The following SNX25 variants were observed in gnomAD, a reference collection of about 807,000 sequenced individuals.
SNX25 encodes sorting nexin 25.
Under a neutral mutation model 113.7 loss-of-function variants are expected in SNX25, and 62 were observed. The ratio of observed to expected loss-of-function variants is 0.55; its 90% CI spans 0.44 to 0.67. The LOEUF (loss-of-function observed/expected upper bound fraction) is 0.67, where lower values mean the gene tolerates loss of function less well. Among genes scored for constraint, SNX25 ranks in the 30% least tolerant of loss-of-function variants. SNX25 has a pLI of 0.00. For missense variants in SNX25, 1,014 were observed against 1,161.0 expected (o/e 0.87, Z 1.84); for synonymous variants, 421 against 436.2 (o/e 0.97, Z 0.43).
At chr4:185,230,555 G>T (rs1046362019) in intron 1 of SNX25, among the ~76,000 whole-genome samples, 4 of 151,810 alleles carry the variant, frequency 2.6e-5, no homozygotes, top group Admixed American at 2.0e-4. Flanking sequence ...AACACACCTG[G>T]CTAATTTTGT....
intron 1 of SNX25, among the ~76,000 whole-genome samples, chr4:185,217,491 T>C (rs1272823525): frequency 6.6e-6 from 1 of 152,148 alleles, no homozygotes; most frequent in Non-Finnish European, 1.5e-5. Flanking sequence ...TAGCAGCAGA[T>C]GTATCCTAGG....
intron 1 of SNX25, among the ~76,000 whole-genome samples, chr4:185,222,287 G>T (rs1272071128): frequency 6.8e-6 from 1 of 146,656 alleles, no homozygotes; most frequent in Non-Finnish European, 1.5e-5. Flanking sequence ...TTCGCGGTAG[G>T]TATACAGCAC....
downstream of SNX25, among the ~76,000 whole-genome samples, chr4:185,367,718 C>T (rs1370087901): frequency 1.3e-5 from 2 of 152,118 alleles, no homozygotes; most frequent in African/African-American, 2.4e-5. Flanking sequence ...CTCATCCAAA[C>T]CCCATTCTAT....
chr4:185,295,626 T>G (rs182337479), intron 6 of SNX25, among the ~76,000 whole-genome samples: 2 of 152,122 alleles, frequency 1.3e-5, no homozygotes, highest in East Asian at 3.9e-4. Flanking sequence ...GTTTTTGTAT[T>G]TTTTGTAGAA....
chr4:185,303,489 C>G (rs1197928212), intron 6 of SNX25, among the ~76,000 whole-genome samples: 2 of 151,808 alleles, frequency 1.3e-5, no homozygotes, highest in Non-Finnish European at 2.9e-5. Flanking sequence ...GAAACCCCGT[C>G]TCTACTAAAA....
intron 11 of SNX25, among the ~76,000 whole-genome samples, chr4:185,340,438 C>G (rs2095254098): frequency 6.6e-6 from 1 of 152,108 alleles, no homozygotes; most frequent in Admixed American, 6.6e-5. Context: ...GCTGGTGCTC[C>G]CATTAAGCTA....
intron 1 of SNX25, among the ~76,000 whole-genome samples, chr4:185,215,971 A>G (rs1349776133): frequency 1.3e-5 from 2 of 151,740 alleles, no homozygotes; most frequent in Non-Finnish European, 2.9e-5. Context: ...TAATTTTTGT[A>G]TTTTTGGTAG....
chr4:185,338,276 G>GTT (rs550870942), intron 10 of SNX25, among the ~76,000 whole-genome samples: 2,672 of 140,348 alleles, frequency 0.019, 103 homozygotes, highest in African/African-American at 0.052. Context: ...TATATTCTGT[G>GTT]TGTTTTTTTT....
intron 1 of SNX25, among the ~76,000 whole-genome samples, chr4:185,223,277 A>G (rs1212500441): frequency 1.3e-5 from 2 of 152,230 alleles, no homozygotes; most frequent in Non-Finnish European, 2.9e-5. Context: ...TCTTTAAAAA[A>G]AAAAGTTTCC....
intron 1 of SNX25, among the ~76,000 whole-genome samples, chr4:185,220,355 A>G (rs1436115828): frequency 6.6e-6 from 1 of 152,076 alleles, no homozygotes; most frequent in Non-Finnish European, 1.5e-5. Context: ...ATATGTATAC[A>G]TGTGCCATGT....
At chr4:185,230,515 C>T (rs376041358) in intron 1 of SNX25, among the ~76,000 whole-genome samples, 6 of 152,168 alleles carry the variant, frequency 3.9e-5, no homozygotes, top group Admixed American at 3.3e-4. Flanking sequence ...GCCTCAGCCT[C>T]CCGAGTAGCT....
intron 6 of SNX25, among the ~76,000 whole-genome samples, chr4:185,306,274 G>C (rs1754457415): frequency 6.6e-6 from 1 of 152,198 alleles, no homozygotes; most frequent in Admixed American, 6.5e-5. Context: ...TGTGGCATTC[G>C]CTTTCTGAGG....
chr4:185,266,246 C>G (rs539563293), intron 4 of SNX25, among the ~76,000 whole-genome samples: 1 of 152,206 alleles, frequency 6.6e-6, no homozygotes, highest in East Asian at 1.9e-4. Context: ...CTGTTTTAAC[C>G]AGTTGGGGAG....
chr4:185,219,553 C>G (rs1394783066), intron 1 of SNX25, among the ~76,000 whole-genome samples: 9 of 152,110 alleles, frequency 5.9e-5, no homozygotes, highest in African/African-American at 2.2e-4. Context: ...GAGCAAGACT[C>G]CATCTCAAAA....
At chr4:185,347,458 C>G (rs138400401) in intron 13 of SNX25, among the ~76,000 whole-genome samples, 2,007 of 150,922 alleles carry the variant, frequency 0.013, 18 homozygotes, top group Non-Finnish European at 0.016. Context: ...TTTTTGTTTT[C>G]TTTTGTTTTG....
intron 6 of SNX25, among the ~76,000 whole-genome samples, chr4:185,289,489 C>A (rs1751848332): frequency 6.6e-6 from 1 of 152,142 alleles, no homozygotes. Context: ...GATGCAGAAA[C>A]TTGATGGGGC....
downstream of SNX25, chr4:185,367,182 A>C (rs780090604): frequency 1.4e-5 from 22 of 1,611,946 alleles, no homozygotes; most frequent in Non-Finnish European, 1.9e-5. Context: ...ATTGTGGTCT[A>C]AATTCTTTGA....
chr4:185,229,635 T>TTCTCTTG (rs1485083510), intron 1 of SNX25, among the ~76,000 whole-genome samples: 1 of 152,142 alleles, frequency 6.6e-6, no homozygotes, highest in Non-Finnish European at 1.5e-5. Flanking sequence ...ATTCAGGCCA[T>TTCTCTTG]TCTCTTGTGG....
intron 1 of SNX25, among the ~76,000 whole-genome samples, chr4:185,228,410 C>A (rs1741334566): frequency 6.6e-6 from 1 of 152,128 alleles, no homozygotes; most frequent in South Asian, 2.1e-4. Context: ...ATGGAGAGAA[C>A]TTCGTGGAGG....
Sources: gnomAD v4.1 joint callset for allele counts (sites outside exome capture counted in the v4.1 genomes callset) on GRCh38, gnomAD v4.1.1 for gene constraint, MANE v1.5 for transcripts, NCBI Gene and HGNC (gene_info 2026-07-23, HGNC 2026-07-21) for gene names.